SLX4: variants seen among roughly 807,000 people sequenced by gnomAD.
The protein encoded by SLX4 is structure-specific endonuclease subunit SLX4.
Under a neutral mutation model 146.2 loss-of-function variants are expected in SLX4, and 112 were observed. The ratio of observed to expected loss-of-function variants is 0.77; its 90% CI spans 0.66 to 0.90. SLX4 has a LOEUF of 0.90. Ranked by LOEUF, SLX4 falls within the 40% of genes least tolerant of loss-of-function variation. The pLI is 0.00. For synonymous variants in SLX4, 1,061 were observed against 997.7 expected (o/e 1.06, Z -1.20); for missense variants, 2,563 against 2,392.7 (o/e 1.07, Z -1.49).
Position 3,589,613 on chromosome 16 carries a change from CT to C in SLX4, c.4024del (p.Ser1342AlafsTer33). 3.7e-6 allele frequency: 6 copies of C among 1,613,868 alleles called. No individual in the cohort carries two copies. Among genetic ancestry groups the C allele is most frequent in the Non-Finnish European group, 5.1e-6 (6 of 1,180,010 alleles). On this transcript the variant is annotated frameshift_variant, in exon 12 of 15. Transcript: ENST00000294008. LOFTEE classifies it high-confidence loss of function. This position sits in a 1 kb window ranked among gnomAD's most constrained non-coding sequence, Gnocchi z 6.2. The part of the protein sequence containing the change: ...TSDGRRQGHR[S>X]PSRPHPGGHP... ...GCCCCCGGGGTGGGGACGGGAAGGGCTTCTGTGGCCTTGCCTTCTGCCGTCA... is the reference window on the plus strand; with the variant it reads ...GCCCCCGGGGTGGGGACGGGAAGGGCTCTGTGGCCTTGCCTTCTGCCGTCA...
rs146360238 is a variant in SLX4 at position 3,597,499 on chromosome 16, A to G, written c.1563T>C (p.Pro521=). 37 of 1,614,036 alleles carry G rather than the reference A, an allele frequency of 2.3e-5. No homozygotes were observed. In the African/African-American group the frequency reaches 3.2e-4, roughly 14 times the overall value. The part of the protein sequence containing the change: ...EGWERAGQCP[P]PPERKQSFLW... ...GAAAGCTCTGCTTGCGTTCAGGTGG[A>G]GGAGGACACTGGCCCGCTCTTTCCC... The change falls in exon 7 of 15, where the codon CCT becomes CCC. Residue 521 remains proline (P), a synonymous_variant. Transcript: ENST00000294008. This position sits in a 1 kb window ranked among gnomAD's most constrained non-coding sequence, Gnocchi z 4.4.
rs1361896601 is a variant in SLX4, at chr16:3,583,259, C to T, written c.4991G>A (p.Gly1664Asp). Residue 1664 changes from glycine (G) to aspartate (D), a missense_variant, in exon 14 of 15, where the codon GGC becomes GAC. Coordinates refer to ENST00000294008, the MANE Select transcript of SLX4 (RefSeq NM_032444.4). ...HRPKGPAKTK[G>D]PRHQRKHHES... Reference sequence around the variant, plus strand: ...ATGATGCTTCCTTTGATGTCGGGGGCCCTTGGTCTTAGCAGGTCCCTTGGG... The same window carrying T: ...ATGATGCTTCCTTTGATGTCGGGGGTCCTTGGTCTTAGCAGGTCCCTTGGG... 2 of 1,614,032 alleles carry T rather than the reference C, an allele frequency of 1.2e-6. No individual in the cohort carries two copies. Among genetic ancestry groups the T allele is most frequent in the African/African-American group, 2.7e-5 (2 of 74,908 alleles).
intron 5 of SLX4, among the ~76,000 whole-genome samples, chr16:3,600,211 C>CAA (rs2040710933): frequency 6.6e-6 from 1 of 152,170 alleles, no homozygotes; most frequent in East Asian, 1.9e-4. Context: ...GTTTGTGTTC[C>CAA]TGTGAGTCTA....
chr16:3,606,828 T>A, intron 2 of SLX4, 130 bp from the exon 3 acceptor site: 3 of 907,640 alleles, frequency 3.3e-6, no homozygotes, highest in Non-Finnish European at 5.3e-6. Flanking sequence ...CTCACAAATG[T>A]GAAGAGGACT....
Position 3,583,381 on chromosome 16 carries a change from C to G in SLX4, c.4869G>C (p.Ala1623=), listed in dbSNP as rs372206872. 1.2e-6 allele frequency: 2 copies of G among 1,612,934 alleles called. No homozygotes were observed. The highest frequency in any genetic ancestry group is 8.5e-7 in the Non-Finnish European group (1 of 1,179,078). Residue 1623 remains alanine (A), a synonymous_variant, in exon 14 of 15, where the codon GCG becomes GCC. Coordinates refer to ENST00000294008, the MANE Select transcript of SLX4 (RefSeq NM_032444.4). ...GGGAGGCGAGGGTCTGGCAGTGAGG[C>G]GCCTGCAACAGCGGCTGTGAGGACT... is the stretch of plus-strand genomic sequence containing the variant. ...ESQSSQPLLQ[A]PHCQTLASQT...
chr16:3,589,798 G>C lies in SLX4; in HGVS notation c.3840C>G (p.Ser1280Arg). 6.2e-7 allele frequency: 1 copy of C among 1,613,252 alleles called. No individual in the cohort carries two copies. The highest frequency in any genetic ancestry group is 8.5e-7 in the Non-Finnish European group (1 of 1,180,024). The change falls in exon 12 of 15, where the codon AGC (serine) becomes AGG (arginine). Residue 1280 changes from serine to arginine, a missense_variant. Ser to Arg is a moderately radical substitution (Grantham distance 110). Coordinates refer to ENST00000294008, the MANE Select transcript of SLX4 (RefSeq NM_032444.4). The surrounding 1 kb of genome is among the most constrained non-coding windows in gnomAD (Gnocchi z 6.2). Reference sequence around the variant, plus strand: ...GAGTCACCGCCTGCACGGCCAGCCCGCTCCTGAGGCTGCTGATTTGGGTCT... The same window carrying C: ...GAGTCACCGCCTGCACGGCCAGCCCCCTCCTGAGGCTGCTGATTTGGGTCT... ...SSQTQISSLRSGLAVQAVTQH... is the reference protein window; with the variant it reads ...SSQTQISSLRRGLAVQAVTQH...
Position 3,602,125 on chromosome 16 carries a change from C to T in SLX4, c.943G>A (p.Val315Met), listed in dbSNP as rs774265549. 7.4e-6 allele frequency: 12 copies of T among 1,614,170 alleles called. No individual in the cohort carries two copies. In the South Asian group the frequency reaches 1.3e-4, roughly 18 times the overall value. ...AMNVTRREQHVNRCLDEAEKT... is the reference protein window; with the variant it reads ...AMNVTRREQHMNRCLDEAEKT... The stretch of plus-strand genomic sequence containing the variant: ...GGCCCAAGCTGCCCCCACCTGTTCA[C>T]ATGCTGTTCCCTTCGGGTCACGTTC... The change falls in exon 4 of 15, where the codon GTG becomes ATG. Residue 315 changes from valine (V) to methionine (M), a missense_variant. Val to Met is a conservative substitution (Grantham distance 21). Transcript: ENST00000294008.
rs1033490654 is a variant in SLX4, at chr16:3,597,260, C to T, written c.1683+119G>A. 6.6e-6 allele frequency: 8 copies of T among 1,214,136 alleles called. No homozygotes were observed. The highest frequency in any genetic ancestry group is 4.6e-5 in the African/African-American group (3 of 65,108). 75.2% of individuals were successfully genotyped at this position (1,214,136 alleles called of 1,614,324 possible). ...ACCAAGTGCCCCTCTGGCCTCCTCC[C>T]GCCTCTGCCTTTCCTTCCTGGACTT... On this transcript the variant is annotated intron_variant, in intron 7 of 14. Coordinates refer to ENST00000294008, the MANE Select transcript of SLX4 (RefSeq NM_032444.4). The surrounding 1 kb of genome is among the most constrained non-coding windows in gnomAD (Gnocchi z 4.4).
In SLX4 at chr16:3,595,612, C is replaced by T. The variant is rs200807331; in HGVS notation, c.2006G>A (p.Arg669His). The T allele has an allele frequency of 1.0e-4, 165 of 1,613,672 alleles. No individual in the cohort carries two copies. The highest frequency in any genetic ancestry group is 2.0e-4 in the East Asian group (9 of 44,886). Reference sequence around the variant, plus strand: ...GCCAGAGCCAGTTCTTACCAAGGTGCGGCCGCCCCTGTCCGGGTGCTTGTC... The same window carrying T: ...GCCAGAGCCAGTTCTTACCAAGGTGTGGCCGCCCCTGTCCGGGTGCTTGTC... Reference protein sequence around the residue: ...SQDKHPDRGGRTLLSLGLLVA... With the variant: ...SQDKHPDRGGHTLLSLGLLVA... Residue 669 changes from arginine to histidine, a missense_variant, in exon 9 of 15, where the codon CGC becomes CAC. Transcript: ENST00000294008.
At chr16:3,585,099 G>A (rs1408985876) in intron 12 of SLX4, among the ~76,000 whole-genome samples, 1 of 152,092 alleles carries the variant, frequency 6.6e-6, no homozygotes, top group Non-Finnish European at 1.5e-5. Flanking sequence ...ACGGGTGCCG[G>A]GTGAACAGAG....
At position 3,596,345 on chromosome 16, in the gene SLX4, C is replaced by G. The variant is rs1202254236; in HGVS notation, c.1732G>C (p.Glu578Gln). Reference sequence around the variant, plus strand: ...GCGGGTGACCTTCGCTCGCTCAGCTCTGAGTGCTCAGGTGGCACCAGAGGC... The same window carrying G: ...GCGGGTGACCTTCGCTCGCTCAGCTGTGAGTGCTCAGGTGGCACCAGAGGC... ...VPPLVPPEHS[E>Q]LSERRSPALH... Residue 578 changes from glutamate to glutamine, a missense_variant, in exon 8 of 15, where the codon GAG (glutamate) becomes CAG (glutamine). Coordinates refer to ENST00000294008, the MANE Select transcript of SLX4 (RefSeq NM_032444.4). 1 of 1,597,126 alleles carries G rather than the reference C, an allele frequency of 6.3e-7. No individual in the cohort carries two copies.
rs1256193484 is a variant in SLX4, at chr16:3,590,820, C to G, written c.2818G>C (p.Gly940Arg). 6.2e-7 allele frequency: 1 copy of G among 1,614,004 alleles called. No homozygotes were observed. The highest frequency in any genetic ancestry group is 1.3e-5 in the African/African-American group (1 of 74,944). Residue 940 changes from glycine to arginine, a missense_variant, in exon 12 of 15, where the codon GGA becomes CGA. Transcript: ENST00000294008. The surrounding 1 kb of genome is among the most constrained non-coding windows in gnomAD (Gnocchi z 4.8). ...PPQGQHSGARGAEAPEQEAPE... is the reference protein window; with the variant it reads ...PPQGQHSGARRAEAPEQEAPE... ...GCCTCCTGCTCAGGGGCCTCTGCTCCCCGTGCCCCTGAGTGCTGGCCCTGG... is the reference window on the plus strand; with the variant it reads ...GCCTCCTGCTCAGGGGCCTCTGCTCGCCGTGCCCCTGAGTGCTGGCCCTGG...
In SLX4 at chr16:3,581,838, T is replaced by G; in HGVS notation, c.*504A>C. 5.8e-6 allele frequency: 1 copy of G among 171,968 alleles called. No individual in the cohort carries two copies. The highest frequency in any genetic ancestry group is 1.3e-5 in the Non-Finnish European group (1 of 78,888). 10.7% of individuals were successfully genotyped at this position (171,968 alleles called of 1,614,324 possible). A position where few individuals can be genotyped will look rare whatever the true frequency, so the allele number is the denominator to read the frequency against. On this transcript the variant is annotated 3_prime_UTR_variant, in exon 15 of 15. Transcript: ENST00000294008. ...CAGGCGGATTGCCTGAGCTCTGGAG[T>G]TTGTGACCAGCCTGAGCAACATGGT... is the stretch of plus-strand genomic sequence containing the variant.
intron 8 of SLX4, 76 bp downstream of exon 8, chr16:3,596,077 C>A (rs2040649833): frequency 1.3e-6 from 2 of 1,513,924 alleles, no homozygotes; most frequent in Non-Finnish European, 1.8e-6. Flanking sequence ...AAGAGCCAGT[C>A]CATGGCAGCC....
At position 3,597,621 on chromosome 16, in the gene SLX4, G is replaced by A. The variant is rs1265030199; in HGVS notation, c.1441C>T (p.Arg481Ter). ...AGGGCCACACGGTCCTCTATCTGTCGGCCTGTGGTTTCAGAGTCCTGGACT... is the reference window on the plus strand; with the variant it reads ...AGGGCCACACGGTCCTCTATCTGTCAGCCTGTGGTTTCAGAGTCCTGGACT... Reference protein sequence around the residue: ...LLVQDSETTGRQIEDRVALLL... With the variant: ...LLVQDSETTG The change falls in exon 7 of 15, where the codon CGA becomes TGA. Residue 481 changes from arginine (R) to a stop codon, truncating the protein, a stop_gained. Transcript: ENST00000294008. LOFTEE classifies it high-confidence loss of function. This position sits in a 1 kb window ranked among gnomAD's most constrained non-coding sequence, Gnocchi z 4.4. 9 of 1,614,084 alleles carry A rather than the reference G, an allele frequency of 5.6e-6. No homozygotes were observed. The highest frequency in any genetic ancestry group is 1.3e-5 in the African/African-American group (1 of 75,028).
chr16:3,597,520 T>C lies in SLX4; in HGVS notation c.1542A>G (p.Glu514=). 3 of 1,614,098 alleles carry C rather than the reference T, an allele frequency of 1.9e-6. No homozygotes were observed. The highest frequency in any genetic ancestry group is 2.5e-6 in the Non-Finnish European group (3 of 1,180,040). The change falls in exon 7 of 15, where the codon GAA becomes GAG. Residue 514 remains glutamate, a synonymous_variant. Coordinates refer to ENST00000294008, the MANE Select transcript of SLX4 (RefSeq NM_032444.4). This position sits in a 1 kb window ranked among gnomAD's most constrained non-coding sequence, Gnocchi z 4.4. ...GTGGAGGAGGACACTGGCCCGCTCT[T>C]TCCCACCCTTCCTTTAAAATCCTGC... ...PASRILKEGW[E]RAGQCPPPPE...
intron 12 of SLX4, 131 bp from the exon 13 acceptor site, chr16:3,585,002 A>G: frequency 1.3e-6 from 1 of 755,926 alleles, no homozygotes; most frequent in Non-Finnish European, 2.4e-6. Context: ...CCATGAAAGC[A>G]ACAGTGGTCA....
Position 3,589,483 on chromosome 16 carries a change from G to C in SLX4, c.4155C>G (p.Asn1385Lys), listed in dbSNP as rs1308197455. 6 of 1,610,276 alleles carry C rather than the reference G, an allele frequency of 3.7e-6. No homozygotes were observed. The Admixed American group carries it at 1.0e-4, about 27-fold the overall frequency. The change falls in exon 12 of 15, where the codon AAC becomes AAG. Residue 1385 changes from asparagine (N) to lysine (K), a missense_variant. Physicochemically the swap from Asn to Lys is moderately conservative, Grantham distance 94 (BLOSUM62 0). Transcript: ENST00000294008. This position sits in a 1 kb window ranked among gnomAD's most constrained non-coding sequence, Gnocchi z 6.2. ...KHSPPGPSFL[N>K]QTPAGEVVEV... is the part of the protein sequence containing the mutation. ...CCACCACTTCACCCGCTGGGGTCTG[G>C]TTCAGGAAGCTTGGCCCAGGCGGCG...
At chr16:3,601,281 T>C in intron 4 of SLX4, 90 bp from the exon 5 acceptor site, 1 of 1,394,832 alleles carries the variant, frequency 7.2e-7, no homozygotes, top group East Asian at 2.3e-5. Context: ...AGACGTGCTG[T>C]GGTCAAAGCA....
Sources: allele counts gnomAD v4.1 joint callset (sites outside exome capture counted in the v4.1 genomes callset), GRCh38; gene constraint gnomAD v4.1.1; non-coding constraint Gnocchi (gnomAD v3.1); transcripts MANE v1.5; gene names NCBI Gene and HGNC (gene_info 2026-07-23, HGNC 2026-07-21).